The following ZNF26 variants were observed in gnomAD, a reference collection of about 807,000 sequenced individuals.
ZNF26 encodes the protein zinc finger protein 26, also known as epididymis luminal protein 179.
ZNF26 carries 32 observed loss-of-function variants against 54.9 expected under a neutral mutation model. The ratio of observed to expected loss-of-function variants is 0.58; its 90% CI spans 0.44 to 0.78. The LOEUF (loss-of-function observed/expected upper bound fraction) is 0.78, where lower values mean the gene tolerates loss of function less well. Ranked by LOEUF, ZNF26 falls within the 30% of genes least tolerant of loss-of-function variation. The probability of loss-of-function intolerance (pLI) is 0.00; values close to 1 mark genes in which losing one functional copy is unlikely to be tolerated. For missense variants in ZNF26, 524 were observed against 634.0 expected, an observed-to-expected ratio of 0.83 and a Z score of 1.86; for synonymous variants, 221 against 209.2, an observed-to-expected ratio of 1.06 and a Z score of -0.49.
In ZNF26 at chr12:133,018,618, A is replaced by G. The variant is rs919575724; in HGVS notation, c.*7137A>G. 8 of 152,218 alleles carry G rather than the reference A, an allele frequency of 5.3e-5. No individual in the cohort carries two copies. Among genetic ancestry groups the G allele is most frequent in the Non-Finnish European group, 8.8e-5 (6 of 68,040 alleles). The allele number at this position is 152,218 out of a possible 1,614,324, so 9.4% of individuals were successfully genotyped here. On this transcript the variant is annotated 3_prime_UTR_variant, in exon 4 of 4. Coordinates refer to ENST00000328654, the MANE Select transcript of ZNF26 (RefSeq NM_019591.4). The stretch of plus-strand genomic sequence containing the variant: ...ATGAGACATAAAATACAAAAGGGAA[A>G]GCAGCATATGTAAATCTAACTATAT...
intron 3 of ZNF26, among the ~76,000 whole-genome samples, chr12:133,008,827 A>AGAG (rs1354112222): frequency 6.6e-6 from 1 of 152,054 alleles, no homozygotes; most frequent in Non-Finnish European, 1.5e-5. Flanking sequence ...TTATAAGAAA[A>AGAG]GAGGTTTAAT....
At chr12:132,999,237 G>T (rs373932722) in intron 1 of ZNF26, among the ~76,000 whole-genome samples, 15 of 152,116 alleles carry the variant, frequency 9.9e-5, no homozygotes, top group Non-Finnish European at 1.0e-4. Flanking sequence ...TATCTCAGCC[G>T]ATTCTCTTAG....
intron 1 of ZNF26, among the ~76,000 whole-genome samples, chr12:132,989,507 A>AT (rs1259286979): frequency 6.6e-6 from 1 of 152,210 alleles, no homozygotes; most frequent in Non-Finnish European, 1.5e-5. Flanking sequence ...TTACATATAC[A>AT]TAAGATATCT....
intron 1 of ZNF26, among the ~76,000 whole-genome samples, chr12:132,987,420 G>A (rs1952848226): frequency 6.6e-6 from 1 of 152,200 alleles, no homozygotes; most frequent in Non-Finnish European, 1.5e-5. Context: ...TCGAGAGTCC[G>A]AAAGGTAAGG....
intron 1 of ZNF26, among the ~76,000 whole-genome samples, chr12:132,994,665 CTG>C (rs151065429): frequency 2.2e-3 from 340 of 152,278 alleles, no homozygotes; most frequent in African/African-American, 7.9e-3. Context: ...CATAATTTGT[CTG>C]TTGTAATAAT....
chr12:133,000,519 G>A (rs1953190382), intron 1 of ZNF26, among the ~76,000 whole-genome samples: 1 of 151,326 alleles, frequency 6.6e-6, no homozygotes, highest in Admixed American at 6.6e-5. Flanking sequence ...CCGCCTCCAG[G>A]GTTCACGCCA....
At position 133,011,223 on chromosome 12, in the gene ZNF26, T is replaced by C; in HGVS notation, c.1344T>C (p.His448=). Residue 448 remains histidine, a synonymous_variant, in exon 4 of 4, where the codon CAT becomes CAC. Transcript: ENST00000328654. ...KSQLIIHQRT[H]STEKPYECNE... is the part of the protein sequence containing the mutation. ...AGCTGATTATACATCAGAGAACTCA[T>C]TCAACTGAGAAGCCCTATGAATGCA... 6.2e-7 allele frequency: 1 copy of C among 1,614,132 alleles called. No homozygotes were observed. The highest frequency in any genetic ancestry group is 1.7e-5 in the Admixed American group (1 of 60,014).
chr12:133,008,606 C>A (rs1953388681), intron 3 of ZNF26, among the ~76,000 whole-genome samples: 2 of 151,918 alleles, frequency 1.3e-5, no homozygotes, highest in Non-Finnish European at 2.9e-5. Flanking sequence ...GAAACCCCGT[C>A]TCTACTAAAA....
chr12:133,000,958 TCTG>T (rs1192353288), intron 1 of ZNF26, among the ~76,000 whole-genome samples: 1 of 152,148 alleles, frequency 6.6e-6, no homozygotes, highest in Non-Finnish European at 1.5e-5. Flanking sequence ...CTACCTGCTA[TCTG>T]CTGTGCACCT....
Position 133,011,398 on chromosome 12 carries a change from G to A in ZNF26, c.1519G>A (p.Glu507Lys). Residue 507 changes from glutamate (E) to lysine (K), a missense_variant, in exon 4 of 4, where the codon GAG (glutamate) becomes AAG (lysine). Transcript: ENST00000328654. Reference sequence around the variant, plus strand: ...TGAACATCAGAGAGTTCACACCGGAGAGAAACCATGGAAATGCTCTGAATG... The same window carrying A: ...TGAACATCAGAGAGTTCACACCGGAAAGAAACCATGGAAATGCTCTGAATG... ...LSEHQRVHTG[E>K]KPWKCSECGK... The A allele has an allele frequency of 1.9e-6, 3 of 1,606,872 alleles. No individual in the cohort carries two copies. The highest frequency in any genetic ancestry group is 2.5e-6 in the Non-Finnish European group (3 of 1,177,116).
At position 133,011,669 on chromosome 12, in the gene ZNF26, A is replaced by G. The variant is rs924866588; in HGVS notation, c.*188A>G. 1.4e-4 allele frequency: 64 copies of G among 463,792 alleles called. No homozygotes were observed. The highest frequency in any genetic ancestry group is 2.1e-4 in the Non-Finnish European group (57 of 273,472). The allele number at this position is 463,792 out of a possible 1,614,324, so 28.7% of individuals were successfully genotyped here. On this transcript the variant is annotated 3_prime_UTR_variant, in exon 4 of 4. Transcript: ENST00000328654. ...TTACAAATCTTTGTAGATGAAAATA[A>G]TGGAAGGAATGTGGAGCAATAAATG...
intron 1 of ZNF26, among the ~76,000 whole-genome samples, chr12:132,999,291 G>C (rs1953158758): frequency 6.6e-6 from 1 of 152,192 alleles, no homozygotes; most frequent in African/African-American, 2.4e-5. Flanking sequence ...TTTGCTCTTT[G>C]TTGCCCAGGC....
Position 133,001,647 on chromosome 12 carries a change from G to A in ZNF26, c.34-5395G>A. ...CCTCCCTGCAGGTAGTGCTGCTGAGGAGGAGCCTGCTAATGAGCTCAAGTG... is the reference window on the plus strand; with the variant it reads ...CCTCCCTGCAGGTAGTGCTGCTGAGAAGGAGCCTGCTAATGAGCTCAAGTG... On this transcript the variant is annotated intron_variant, in intron 1 of 3. Coordinates refer to ENST00000328654, the MANE Select transcript of ZNF26 (RefSeq NM_019591.4). The surrounding 1 kb of genome is among the most constrained non-coding windows in gnomAD (Gnocchi z 4.7). 5.4e-6 allele frequency: 7 copies of A among 1,289,110 alleles called. No homozygotes were observed. The South Asian group carries it at 6.2e-5, about 11-fold the overall frequency. 79.9% of individuals were successfully genotyped at this position (1,289,110 alleles called of 1,614,324 possible). A position where few individuals can be genotyped will look rare whatever the true frequency, so the allele number is the denominator to read the frequency against.
chr12:133,009,935 G>C (rs1445528057), intron 3 of ZNF26, among the ~76,000 whole-genome samples: 1 of 152,138 alleles, frequency 6.6e-6, no homozygotes, highest in African/African-American at 2.4e-5. Flanking sequence ...TTTGCTACCA[G>C]TTTTCACGAC....
Position 133,001,839 on chromosome 12 carries a change from A to C in ZNF26, c.34-5203A>C. 1 of 490,114 alleles carries C rather than the reference A, an allele frequency of 2.0e-6. No homozygotes were observed. The highest frequency in any genetic ancestry group is 3.5e-6 in the Non-Finnish European group (1 of 283,736). The allele number at this position is 490,114 out of a possible 1,614,324, so 30.4% of individuals were successfully genotyped here. A position where few individuals can be genotyped will look rare whatever the true frequency, so the allele number is the denominator to read the frequency against. On this transcript the variant is annotated intron_variant, in intron 1 of 3. Coordinates refer to ENST00000328654, the MANE Select transcript of ZNF26 (RefSeq NM_019591.4). The surrounding 1 kb of genome is among the most constrained non-coding windows in gnomAD (Gnocchi z 4.7). ...AGTCTTTGCCTTCAGAATTTTTCAG[A>C]GGAAAGCAGTTATTCGATCCTTGTT...
intron 1 of ZNF26, among the ~76,000 whole-genome samples, chr12:133,000,632 G>A (rs1341462692): frequency 2.0e-5 from 3 of 151,984 alleles, no homozygotes; most frequent in Non-Finnish European, 4.4e-5. Context: ...CACCATGTTA[G>A]CCAGGATGGT....
At chr12:132,987,081 GGGCAGTTATACTGCACTTCAT>G (rs1448341135) in intron 1 of ZNF26, among the ~76,000 whole-genome samples, 10 of 152,130 alleles carry the variant, frequency 6.6e-5, no homozygotes, top group Non-Finnish European at 1.2e-4. Flanking sequence ...ATTCTGTGAC[GGGCAGTTATACTGCACTTCAT>G]GGCCAGCTGC....
At chr12:132,993,178 C>T (rs1953001178) in intron 1 of ZNF26, among the ~76,000 whole-genome samples, 1 of 151,766 alleles carries the variant, frequency 6.6e-6, no homozygotes, top group Non-Finnish European at 1.5e-5. Flanking sequence ...GTGCGCACCA[C>T]CGTGCCTAGC....
chr12:133,012,587 T>TTTG lies in ZNF26; in HGVS notation c.*1108_*1109insGTT. On this transcript the variant is annotated 3_prime_UTR_variant, in exon 4 of 4. Coordinates refer to ENST00000328654, the MANE Select transcript of ZNF26 (RefSeq NM_019591.4). Reference sequence around the variant, plus strand: ...GCTTTTTGTTGTTTGGGTTTTTTTTTTTTTTTTTTTTTTTTTTTTTTTGAG... The same window carrying TTTG: ...GCTTTTTGTTGTTTGGGTTTTTTTTTTTGTTTTTTTTTTTTTTTTTTTTTTGAG... The TTTG allele has an allele frequency of 8.3e-6, 1 of 119,972 alleles. No individual in the cohort carries two copies. The highest frequency in any genetic ancestry group is 3.2e-5 in the African/African-American group (1 of 31,358). The allele number at this position is 119,972 out of a possible 1,614,324, so 7.4% of individuals were successfully genotyped here.
Sources: gnomAD v4.1 joint callset for allele counts (sites outside exome capture counted in the v4.1 genomes callset) on GRCh38, gnomAD v4.1.1 for gene constraint, Gnocchi (gnomAD v3.1) non-coding constraint, MANE v1.5 for transcripts, NCBI Gene and HGNC (gene_info 2026-07-23, HGNC 2026-07-21) for gene names.